Variants in RAB3IP observed in about 807,000 individuals in gnomAD.
RAB3IP encodes the protein rab-3A-interacting protein.
In RAB3IP, 36 loss-of-function variants were observed where a neutral mutation model predicts 59.1. That is an observed-to-expected ratio of 0.61 (90% CI 0.47 to 0.80). The LOEUF is 0.80. Ranked by LOEUF, RAB3IP falls within the 30% of genes least tolerant of loss-of-function variation. RAB3IP has a pLI of 0.00. For synonymous variants in RAB3IP, 207 were observed against 191.2 expected (o/e 1.08, Z -0.68); for missense variants, 511 against 536.0 (o/e 0.95, Z 0.46).
In RAB3IP at chr12:69,806,433, T is replaced by C. The variant is rs112161343; in HGVS notation, c.1130+4712T>C. On this transcript the variant is annotated intron_variant, in intron 8 of 10. Transcript: ENST00000247833. ...TAGCGGTCTATCAGTTTTGTTGATC[T>C]TTTCAAAAAACCAGCTCCTGGATTC... 5.9e-5 allele frequency among the ~76,000 whole-genome samples: 9 copies of C among 152,204 alleles called. No individual in the cohort carries two copies. The South Asian group carries it at 6.2e-4, about 11-fold the overall frequency.
chr12:69,796,951 A>G (rs1411952229), intron 6 of RAB3IP, among the ~76,000 whole-genome samples: 1 of 152,226 alleles, frequency 6.6e-6, no homozygotes, highest in East Asian at 1.9e-4. Flanking sequence ...GCAGCATATA[A>G]CTTCAAAATA....
intron 6 of RAB3IP, among the ~76,000 whole-genome samples, chr12:69,797,690 C>A (rs1350011754): frequency 1.3e-5 from 2 of 149,712 alleles, no homozygotes; most frequent in Non-Finnish European, 3.0e-5. Context: ...CACCCCACAA[C>A]AGTCCCCAGA....
chr12:69,799,680 GT>G (rs773332358), intron 6 of RAB3IP, among the ~76,000 whole-genome samples: 67 of 152,088 alleles, frequency 4.4e-4, no homozygotes, highest in Non-Finnish European at 6.6e-4. Context: ...ATGCCTTCAA[GT>G]TATAGTAGAA....
intron 8 of RAB3IP, among the ~76,000 whole-genome samples, chr12:69,811,442 G>A (rs889477652): frequency 4.6e-5 from 7 of 152,172 alleles, no homozygotes; most frequent in Admixed American, 2.6e-4. Flanking sequence ...GATACTTAAA[G>A]CCACCTTACC....
intron 1 of RAB3IP, among the ~76,000 whole-genome samples, chr12:69,747,317 TGTGTGTGTGTGTGTGA>T (rs909853128): frequency 2.8e-5 from 4 of 143,606 alleles, no homozygotes; most frequent in Non-Finnish European, 4.6e-5. Context: ...TGTGTGTGTG[TGTGTGTGTGTGTGTGA>T]GAGAGAGAGA....
chr12:69,807,469 G>A (rs1195664099), intron 8 of RAB3IP, among the ~76,000 whole-genome samples: 5 of 147,038 alleles, frequency 3.4e-5, no homozygotes, highest in African/African-American at 1.3e-4. Context: ...GGACGGCTGG[G>A]CAGAGGCGCT....
intron 6 of RAB3IP, among the ~76,000 whole-genome samples, chr12:69,798,014 T>C (rs1877790073): frequency 6.6e-6 from 1 of 152,176 alleles, no homozygotes. Context: ...AGCAGCATGA[T>C]TTATAGTCCT....
chr12:69,742,740 T>C (rs1182375686), intron 1 of RAB3IP, among the ~76,000 whole-genome samples: 1 of 152,220 alleles, frequency 6.6e-6, no homozygotes, highest in African/African-American at 2.4e-5. Flanking sequence ...GAGGAAGATA[T>C]TTATACAACT....
At chr12:69,802,851 T>G (rs1296305260) in intron 8 of RAB3IP, among the ~76,000 whole-genome samples, 3 of 152,202 alleles carry the variant, frequency 2.0e-5, no homozygotes, top group African/African-American at 7.2e-5. Flanking sequence ...TAGTCATATG[T>G]TTGCTCTGTG....
intron 4 of RAB3IP, among the ~76,000 whole-genome samples, chr12:69,787,890 CA>C (rs1875956675): frequency 6.6e-6 from 1 of 152,084 alleles, no homozygotes; most frequent in Non-Finnish European, 1.5e-5. Context: ...AAATTATACA[CA>C]CTTGCTAATG....
At chr12:69,797,528 T>A (rs1323679733) in intron 6 of RAB3IP, among the ~76,000 whole-genome samples, 8 of 150,102 alleles carry the variant, frequency 5.3e-5, no homozygotes, top group Non-Finnish European at 8.9e-5. Context: ...CTTTTTTTTT[T>A]AATTATTGTT....
chr12:69,794,658 C>T (rs559154804), intron 5 of RAB3IP, 144 bp downstream of exon 5: 122 of 607,192 alleles, frequency 2.0e-4, no homozygotes, highest in African/African-American at 1.8e-3. Context: ...AAGAAAATAG[C>T]TACTATGTAG....
chr12:69,784,488 G>C (rs1358094125), intron 3 of RAB3IP, among the ~76,000 whole-genome samples: 2 of 150,064 alleles, frequency 1.3e-5, no homozygotes, highest in African/African-American at 2.4e-5. Flanking sequence ...TTAATTTTTG[G>C]ATATTTTATG....
intron 3 of RAB3IP, among the ~76,000 whole-genome samples, chr12:69,783,451 C>G (rs1875087859): frequency 6.6e-6 from 1 of 152,146 alleles, no homozygotes; most frequent in African/African-American, 2.4e-5. Context: ...CTTCATTGCC[C>G]TGCAGTTTTG....
At chr12:69,806,570 GTTTTTTTT>G (rs35262716) in intron 8 of RAB3IP, among the ~76,000 whole-genome samples, 1 of 68,488 alleles carries the variant, frequency 1.5e-5, no homozygotes, top group Admixed American at 1.8e-4. Flanking sequence ...TGCTTCTCTA[GTTTTTTTT>G]TTTTTTTTTT....
At chr12:69,807,661 G>T (rs1320592558) in intron 8 of RAB3IP, among the ~76,000 whole-genome samples, 1 of 137,286 alleles carries the variant, frequency 7.3e-6, no homozygotes, top group Non-Finnish European at 1.6e-5. Flanking sequence ...CCGGGCAGAG[G>T]TGCTCCTCAC....
intron 1 of RAB3IP, among the ~76,000 whole-genome samples, chr12:69,747,086 C>G (rs1003838762): frequency 1.3e-5 from 2 of 152,104 alleles, no homozygotes; most frequent in African/African-American, 4.8e-5. Flanking sequence ...TAAACCCAAA[C>G]TCAACAATCA....
chr12:69,762,309 T>C (rs181491447), intron 3 of RAB3IP, among the ~76,000 whole-genome samples: 172 of 152,376 alleles, frequency 1.1e-3, no homozygotes, highest in African/African-American at 3.8e-3. Flanking sequence ...TGCATTCTTA[T>C]TAAGTATAGA....
At chr12:69,787,416 A>G (rs574282347) in intron 4 of RAB3IP, among the ~76,000 whole-genome samples, 2 of 152,300 alleles carry the variant, frequency 1.3e-5, no homozygotes, top group East Asian at 3.9e-4. Context: ...TGATATGTCT[A>G]GTTTTCTCCC....
Sources: gnomAD v4.1 joint callset for allele counts (sites outside exome capture counted in the v4.1 genomes callset) on GRCh38, gnomAD v4.1.1 for gene constraint, MANE v1.5 for transcripts, NCBI Gene and HGNC (gene_info 2026-07-23, HGNC 2026-07-21) for gene names.